Variants in PML observed in about 807,000 individuals in gnomAD.
PML encodes PML nuclear body scaffold.
PML carries 28 observed loss-of-function variants against 65.2 expected under a neutral mutation model. That is an observed-to-expected ratio of 0.43 (90% CI 0.32 to 0.59). The LOEUF (loss-of-function observed/expected upper bound fraction) is 0.59. PML is among the 20% of genes least tolerant of loss of function. The pLI, the probability that PML is intolerant of heterozygous loss-of-function variation, is 0.08. For missense variants in PML, 1,021 were observed against 1,203.4 expected (o/e 0.85, Z 2.24); for synonymous variants, 500 against 508.8 (o/e 0.98, Z 0.23).
rs2071756127 is a variant in PML at position 74,044,913 on chromosome 15, G to A, written c.2554G>A (p.Gly852Ser). 2.5e-6 allele frequency: 4 copies of A among 1,613,432 alleles called. No homozygotes were observed. The highest frequency in any genetic ancestry group is 3.4e-6 in the Non-Finnish European group (4 of 1,180,020). ...NLQALGTYFE[G>S]LLEGPALARA... ...GCAGGCTCTGGGCACCTACTTTGAAGGCCTGTTGGAGGGTCCGGCGCTGGC... is the reference window on the plus strand; with the variant it reads ...GCAGGCTCTGGGCACCTACTTTGAAAGCCTGTTGGAGGGTCCGGCGCTGGC... Residue 852 changes from glycine to serine, a missense_variant, in exon 9 of 9, where the codon GGC becomes AGC. By Grantham distance (56) the Gly-to-Ser change is moderately conservative (BLOSUM62 0). Transcript: ENST00000268058.
In PML at chr15:74,037,059, T is replaced by G; in HGVS notation, c.1710+2529T>G. On this transcript the variant is annotated intron_variant, in intron 7 of 8. Coordinates refer to ENST00000268058, the MANE Select transcript of PML (RefSeq NM_033238.3). The surrounding 1 kb of genome is among the most constrained non-coding windows in gnomAD (Gnocchi z 4.2). ...AGCTTGTCGCCTCTGTGCTGCCACC[T>G]GGAGACCGAGATCTGCAGGAGAAAG... 1 of 985,452 alleles carries G rather than the reference T, an allele frequency of 1.0e-6. No individual in the cohort carries two copies. The highest frequency in any genetic ancestry group is 1.2e-6 in the Non-Finnish European group (1 of 829,938). 61.0% of individuals were successfully genotyped at this position (985,452 alleles called of 1,614,324 possible).
rs146867846 is a variant in PML, at chr15:74,035,784, C to T, written c.1710+1254C>T. The T allele has an allele frequency of 9.3e-6, 15 of 1,614,112 alleles. No individual in the cohort carries two copies. In the South Asian group the frequency reaches 1.6e-4, roughly 18 times the overall value. On this transcript the variant is annotated intron_variant, in intron 7 of 8. Transcript: ENST00000268058. The surrounding 1 kb of genome is among the most constrained non-coding windows in gnomAD (Gnocchi z 4.1). ...GGTGGGGGCAGGGGAAAGCAGAGCCCAGACTCTTGGAGCAGGTGTTCCCCC... is the reference window on the plus strand; with the variant it reads ...GGTGGGGGCAGGGGAAAGCAGAGCCTAGACTCTTGGAGCAGGTGTTCCCCC...
In PML at chr15:73,995,468, A is replaced by C. The variant is rs1030320566; in HGVS notation, c.129+527A>C. 2.0e-5 allele frequency among the ~76,000 whole-genome samples: 3 copies of C among 151,774 alleles called. No individual in the cohort carries two copies. The East Asian group carries it at 5.8e-4, about 29-fold the overall frequency. ...CTGCTTAAGGAAGCCTCCCCAACGA[A>C]CCCTTCTCTTGCCACACCTTTCCTG... On this transcript the variant is annotated intron_variant, in intron 1 of 8. Coordinates refer to ENST00000268058, the MANE Select transcript of PML (RefSeq NM_033238.3).
At chr15:74,011,809 C>T (rs2070345396) in intron 2 of PML, among the ~76,000 whole-genome samples, 1 of 152,210 alleles carries the variant, frequency 6.6e-6, no homozygotes, top group African/African-American at 2.4e-5. Context: ...AGAGAGTTAA[C>T]AGGAGCTTCC....
chr15:74,037,905 C>G lies in PML; in HGVS notation c.1710+3375C>G, dbSNP rs774955600. Among the ~76,000 whole-genome samples, 1 of 152,172 alleles carries G rather than the reference C, an allele frequency of 6.6e-6. No individual in the cohort carries two copies. The highest frequency in any genetic ancestry group is 1.5e-5 in the Non-Finnish European group (1 of 68,030). On this transcript the variant is annotated intron_variant, in intron 7 of 8. Coordinates refer to ENST00000268058, the MANE Select transcript of PML (RefSeq NM_033238.3). The surrounding 1 kb of genome is among the most constrained non-coding windows in gnomAD (Gnocchi z 4.2). ...ATACCCAACACTCGCACCTGCCTGCCAGACCAGCATGGCCAGTGACCTTCC... is the reference window on the plus strand; with the variant it reads ...ATACCCAACACTCGCACCTGCCTGCGAGACCAGCATGGCCAGTGACCTTCC...
In PML at chr15:74,046,556, T is replaced by G. The variant is rs376226267; in HGVS notation, c.*1548T>G. The G allele has an allele frequency of 2.2e-5, 5 of 232,518 alleles. No individual in the cohort carries two copies. In the East Asian group the frequency reaches 3.0e-4, roughly 14 times the overall value. The allele number at this position is 232,518 out of a possible 1,614,324, so 14.4% of individuals were successfully genotyped here. A position where few individuals can be genotyped will look rare whatever the true frequency, so the allele number is the denominator to read the frequency against. The stretch of plus-strand genomic sequence containing the variant: ...GGAGTGCTGGCTCTCACAGTGAATT[T>G]TGATGCATTTAAAATAAGATTCTGA... On this transcript the variant is annotated 3_prime_UTR_variant, in exon 9 of 9. Coordinates refer to ENST00000268058, the MANE Select transcript of PML (RefSeq NM_033238.3).
At position 74,035,572 on chromosome 15, in the gene PML, A is replaced by G. The variant is rs895706994; in HGVS notation, c.1710+1042A>G. 11 of 1,611,230 alleles carry G rather than the reference A, an allele frequency of 6.8e-6. No individual in the cohort carries two copies. The highest frequency in any genetic ancestry group is 9.3e-6 in the Non-Finnish European group (11 of 1,179,662). On this transcript the variant is annotated intron_variant, in intron 7 of 8. Coordinates refer to ENST00000268058, the MANE Select transcript of PML (RefSeq NM_033238.3). This position sits in a 1 kb window ranked among gnomAD's most constrained non-coding sequence, Gnocchi z 4.1. The stretch of plus-strand genomic sequence containing the variant: ...CCTGCCATCACAGGGCCCCTCAACC[A>G]TCCTGCCAATGCCCAGGAACATCCT...
Position 73,998,217 on chromosome 15 carries a change from C to T in PML, c.343C>T (p.Arg115Cys), listed in dbSNP as rs766194468. The change falls in exon 2 of 9, where the codon CGC becomes TGC. Residue 115 changes from arginine (R) to cysteine (C), a missense_variant. By Grantham distance (180) the Arg-to-Cys change is radical. Transcript: ENST00000268058. Reference sequence around the variant, plus strand: ...CGTCTTTTTCGAGAGTCTGCAGCGGCGCCTGTCGGTGTACCGGCAGATTGT... The same window carrying T: ...CGTCTTTTTCGAGAGTCTGCAGCGGTGCCTGTCGGTGTACCGGCAGATTGT... ...DNVFFESLQR[R>C]LSVYRQIVDA... 1 of 1,614,220 alleles carries T rather than the reference C, an allele frequency of 6.2e-7. No homozygotes were observed. The highest frequency in any genetic ancestry group is 1.7e-5 in the Admixed American group (1 of 60,028).
In PML at chr15:74,022,966, G is replaced by C; in HGVS notation, c.741G>C (p.Leu247=). ...QEELDAMTQA[L]QEQDSAFGAV... ...AGCTGGACGCCATGACGCAGGCGCT[G>C]CAGGAGCAGGATAGTGCCTTTGGCG... is the stretch of plus-strand genomic sequence containing the variant. Residue 247 remains leucine, a synonymous_variant, in exon 3 of 9, where the codon CTG becomes CTC. Transcript: ENST00000268058. The C allele has an allele frequency of 1.2e-6, 2 of 1,610,484 alleles. No homozygotes were observed. Among genetic ancestry groups the C allele is most frequent in the Non-Finnish European group, 1.7e-6 (2 of 1,178,798 alleles).
Position 74,003,651 on chromosome 15 carries a change from A to T in PML, c.602+5175A>T, listed in dbSNP as rs556882715. 2.0e-5 allele frequency among the ~76,000 whole-genome samples: 3 copies of T among 151,796 alleles called. No individual in the cohort carries two copies. The South Asian group carries it at 6.2e-4, about 32-fold the overall frequency. On this transcript the variant is annotated intron_variant, in intron 2 of 8. Coordinates refer to ENST00000268058, the MANE Select transcript of PML (RefSeq NM_033238.3). Reference sequence around the variant, plus strand: ...GTTCCAGATTACTACCAAATTGTTAATTTTTTTTTCTTTTGTAAACATCCT... The same window carrying T: ...GTTCCAGATTACTACCAAATTGTTATTTTTTTTTTCTTTTGTAAACATCCT...
chr15:74,005,722 G>T (rs1048630808), intron 2 of PML, among the ~76,000 whole-genome samples: 1 of 152,144 alleles, frequency 6.6e-6, no homozygotes, highest in African/African-American at 2.4e-5. Flanking sequence ...TTACAGAGGT[G>T]TATGTTTCCT....
intron 2 of PML, among the ~76,000 whole-genome samples, chr15:74,013,309 C>T (rs8038991): frequency 0.62 from 93,509 of 151,682 alleles, 28,915 homozygotes; most frequent in Non-Finnish European, 0.65. Flanking sequence ...AGTAATATAA[C>T]AGTACTACTA....
At position 73,994,877 on chromosome 15, in the gene PML, C is replaced by A; in HGVS notation, c.65C>A (p.Thr22Asn). 6.4e-7 allele frequency: 1 copy of A among 1,553,868 alleles called. No homozygotes were observed. Among genetic ancestry groups the A allele is most frequent in the Non-Finnish European group, 8.7e-7 (1 of 1,147,336 alleles). The change falls in exon 1 of 9, where the codon ACC becomes AAC. Residue 22 changes from threonine to asparagine, a missense_variant. Coordinates refer to ENST00000268058, the MANE Select transcript of PML (RefSeq NM_033238.3). ...QQDPARPQEP[T>N]MPPPETPSEG... Reference sequence around the variant, plus strand: ...GACCCCGCCCGGCCCCAGGAGCCCACCATGCCTCCCCCCGAGACCCCCTCT... The same window carrying A: ...GACCCCGCCCGGCCCCAGGAGCCCAACATGCCTCCCCCCGAGACCCCCTCT...
Position 74,037,710 on chromosome 15 carries a change from G to T in PML, c.1710+3180G>T. 1 of 985,334 alleles carries T rather than the reference G, an allele frequency of 1.0e-6. No homozygotes were observed. The highest frequency in any genetic ancestry group is 1.2e-6 in the Non-Finnish European group (1 of 829,894). 61.0% of individuals were successfully genotyped at this position (985,334 alleles called of 1,614,324 possible). A position where few individuals can be genotyped will look rare whatever the true frequency, so the allele number is the denominator to read the frequency against. On this transcript the variant is annotated intron_variant, in intron 7 of 8. Transcript: ENST00000268058. The surrounding 1 kb of genome is among the most constrained non-coding windows in gnomAD (Gnocchi z 4.2). ...CCGGTCTTTCCTGGAAAGATCGCCT[G>T]CTCGGATGCAGCTCTGGGCACTCCT...
At chr15:74,033,805 TAC>T in intron 6 of PML, 1 of 542,132 alleles carries the variant, frequency 1.8e-6, no homozygotes, top group Non-Finnish European at 3.3e-6. Flanking sequence ...TCTCTCAGTC[TAC>T]ACCCATCATT....
intron 4 of PML, among the ~76,000 whole-genome samples, chr15:74,031,011 C>T (rs567845297): frequency 6.6e-6 from 1 of 151,876 alleles, no homozygotes; most frequent in South Asian, 2.1e-4. Flanking sequence ...AGGTGGGAGG[C>T]TCAGGTGATT....
At position 74,044,575 on chromosome 15, in the gene PML, G is replaced by T; in HGVS notation, c.2216G>T (p.Ser739Ile). Residue 739 changes from serine (S) to isoleucine (I), a missense_variant, in exon 9 of 9, where the codon AGC (serine) becomes ATC (isoleucine). Coordinates refer to ENST00000268058, the MANE Select transcript of PML (RefSeq NM_033238.3). The stretch of plus-strand genomic sequence containing the variant: ...CAGACCTACCTGGCGAGAAACATGA[G>T]CGAGCGCAGCGCCATGGCTGCCGTG... ...LAQTYLARNM[S>I]ERSAMAAVLA... 1 of 1,611,014 alleles carries T rather than the reference G, an allele frequency of 6.2e-7. No individual in the cohort carries two copies. The highest frequency in any genetic ancestry group is 1.6e-4 in the Middle Eastern group (1 of 6,062).
intron 2 of PML, among the ~76,000 whole-genome samples, chr15:74,011,463 C>T (rs1032763630): frequency 2.0e-5 from 3 of 151,720 alleles, no homozygotes; most frequent in African/African-American, 7.3e-5. Context: ...CAATAGCCAC[C>T]GTAAATGAAA....
chr15:74,007,816 A>G (rs1283212049), intron 2 of PML, among the ~76,000 whole-genome samples: 1 of 152,248 alleles, frequency 6.6e-6, no homozygotes, highest in Non-Finnish European at 1.5e-5. Context: ...ATGAATGGAC[A>G]TAGCCCCTCC....
Sources: allele counts gnomAD v4.1 joint callset (sites outside exome capture counted in the v4.1 genomes callset), GRCh38; gene constraint gnomAD v4.1.1; non-coding constraint Gnocchi (gnomAD v3.1); transcripts MANE v1.5; gene names NCBI Gene and HGNC (gene_info 2026-07-23, HGNC 2026-07-21).